The following FAAH2 variants were observed in gnomAD, a reference collection of about 807,000 sequenced individuals.
FAAH2 encodes fatty acid amide hydrolase 2.
In FAAH2, 60 loss-of-function variants were observed where a neutral mutation model predicts 36.9. The ratio of observed to expected loss-of-function variants is 1.63; its 90% CI spans 1.32 to 2.02. FAAH2 has a LOEUF of 2.02. FAAH2 is among the 30% of genes most tolerant of loss of function. The pLI is 0.00. For missense variants in FAAH2, 689 were observed against 397.5 expected (o/e 1.73, Z -6.23); for synonymous variants, 214 against 143.8 (o/e 1.49, Z -3.49).
the FAAH2 span, among the ~76,000 whole-genome samples, chrX:57,172,082 G>A: frequency 9.0e-5 from 10 of 110,822 alleles, no homozygotes; most frequent in East Asian, 2.5e-3. Flanking sequence ...TTTATTTATG[G>A]GTTCTCTATT....
intron 10 of FAAH2, among the ~76,000 whole-genome samples, chrX:57,481,449 C>T (rs190754781): frequency 9.0e-6 from 1 of 111,382 alleles, no homozygotes; most frequent in African/African-American, 3.3e-5. Flanking sequence ...ATGTTGATGT[C>T]GATGTTGTTG....
At chrX:57,216,578 ATATG>A in the FAAH2 span, among the ~76,000 whole-genome samples, 7 of 57,735 alleles carry the variant, frequency 1.2e-4, no homozygotes, top group African/African-American at 5.3e-4. Context: ...ATATGTATAT[ATATG>A]TATATGTATA....
At chrX:57,149,537 A>T in the FAAH2 span, among the ~76,000 whole-genome samples, 1 of 111,209 alleles carries the variant, frequency 9.0e-6, no homozygotes, top group Admixed American at 9.5e-5. Flanking sequence ...TTTCCAGTTT[A>T]TTTGCATAGA....
the FAAH2 span, among the ~76,000 whole-genome samples, chrX:57,233,591 G>T: frequency 9.0e-6 from 1 of 111,630 alleles, no homozygotes; most frequent in African/African-American, 3.3e-5. Context: ...TCATAACATT[G>T]GATGGAGTCC....
chrX:57,330,753 G>T (rs768932066), intron 3 of FAAH2, among the ~76,000 whole-genome samples: 17 of 111,304 alleles, frequency 1.5e-4, no homozygotes, highest in Admixed American at 3.8e-4. Context: ...TCTCAAACTG[G>T]CTGATGCTTA....
At chrX:57,323,814 T>G (rs2053118906) in intron 3 of FAAH2, among the ~76,000 whole-genome samples, 1 of 110,285 alleles carries the variant, frequency 9.1e-6, no homozygotes, top group African/African-American at 3.3e-5. Context: ...GATGGTAGTT[T>G]CTTTTGCTGT....
chrX:57,227,276 A>G, the FAAH2 span, among the ~76,000 whole-genome samples: 22 of 110,411 alleles, frequency 2.0e-4, no homozygotes, highest in Non-Finnish European at 3.2e-4. Context: ...ATTTGGGTAG[A>G]CTCTGTCAGA....
intron 2 of FAAH2, among the ~76,000 whole-genome samples, chrX:57,300,877 C>T (rs1042117706): frequency 2.7e-5 from 3 of 112,056 alleles, no homozygotes; most frequent in South Asian, 3.7e-4. Flanking sequence ...TCATCACTGG[C>T]CATCAGAGAA....
chrX:57,368,089 C>T (rs1007367947), intron 5 of FAAH2, among the ~76,000 whole-genome samples: 2 of 111,064 alleles, frequency 1.8e-5, no homozygotes, highest in Non-Finnish European at 3.8e-5. Flanking sequence ...GGTCACTCCC[C>T]TTTGGAACAA....
chrX:57,433,331 C>T (rs1240055602), intron 8 of FAAH2, among the ~76,000 whole-genome samples: 2 of 109,884 alleles, frequency 1.8e-5, no homozygotes, highest in African/African-American at 6.6e-5. Flanking sequence ...GATTATGATG[C>T]CAGATTTAGA....
chrX:57,399,977 G>A (rs2055393026), intron 7 of FAAH2, among the ~76,000 whole-genome samples: 1 of 111,761 alleles, frequency 8.9e-6, no homozygotes, highest in Non-Finnish European at 1.9e-5. Context: ...ACTTCCATCA[G>A]TATACAATTT....
At chrX:57,437,491 C>T (rs1175821318) in intron 8 of FAAH2, among the ~76,000 whole-genome samples, 3 of 109,162 alleles carry the variant, frequency 2.7e-5, no homozygotes, top group African/African-American at 9.9e-5. Flanking sequence ...CTAAAGACTC[C>T]AAAAAGAATC....
the FAAH2 span, among the ~76,000 whole-genome samples, chrX:57,123,269 T>C: frequency 9.0e-6 from 1 of 111,694 alleles, no homozygotes; most frequent in Non-Finnish European, 1.9e-5. Flanking sequence ...TTTTTGTCCT[T>C]GCGATAGTTT....
chrX:57,392,630 G>A (rs1308670642), intron 7 of FAAH2: 4 of 732,252 alleles, frequency 5.5e-6, no homozygotes, highest in Non-Finnish European at 8.5e-6. Flanking sequence ...CTTGAAGATG[G>A]ATGATGATCT....
At chrX:57,181,021 A>T in the FAAH2 span, among the ~76,000 whole-genome samples, 1 of 111,988 alleles carries the variant, frequency 8.9e-6, no homozygotes. Flanking sequence ...AGAACTAAAG[A>T]CAAAAACCAG....
chrX:57,190,856 TC>T, the FAAH2 span, among the ~76,000 whole-genome samples: 1 of 110,448 alleles, frequency 9.1e-6, no homozygotes, highest in East Asian at 2.9e-4. Flanking sequence ...TCCTGCAATA[TC>T]CCCCCCACAT....
At chrX:57,225,581 T>TCTA in the FAAH2 span, among the ~76,000 whole-genome samples, 1 of 111,844 alleles carries the variant, frequency 8.9e-6, no homozygotes, top group Admixed American at 9.4e-5. Context: ...CTTGGAGAAG[T>TCTA]TCCATGCACT....
the FAAH2 span, among the ~76,000 whole-genome samples, chrX:57,204,779 G>A: frequency 8.9e-6 from 1 of 112,270 alleles, no homozygotes; most frequent in Non-Finnish European, 1.9e-5. Context: ...AATTGCATAT[G>A]GGGTGTTCCA....
the FAAH2 span, among the ~76,000 whole-genome samples, chrX:57,263,124 T>C: frequency 9.0e-6 from 1 of 111,346 alleles, no homozygotes. Flanking sequence ...ACAAGAAAAG[T>C]AAATAAAATT....
Sources: gnomAD v4.1 joint callset for allele counts (sites outside exome capture counted in the v4.1 genomes callset) on GRCh38, gnomAD v4.1.1 for gene constraint, MANE v1.5 for transcripts, NCBI Gene and HGNC (gene_info 2026-07-23, HGNC 2026-07-21) for gene names.